PKHD1: variants seen among roughly 807,000 people sequenced by gnomAD.
PKHD1 encodes the protein fibrocystin.
A neutral mutation model predicts 412.0 loss-of-function variants in PKHD1; 291 were observed. That is an observed-to-expected ratio of 0.71 (90% CI 0.64 to 0.78). The LOEUF is 0.78. Among genes scored for constraint, PKHD1 ranks in the 30% least tolerant of loss-of-function variants. The pLI is 0.00. For missense variants in PKHD1, 4,825 were observed against 4,950.7 expected, an observed-to-expected ratio of 0.97 and a Z score of 0.76; for synonymous variants, 1,777 against 1,821.5, an observed-to-expected ratio of 0.98 and a Z score of 0.62.
At chr6:51,729,798 G>A (rs184886384) in intron 60 of PKHD1, among the ~76,000 whole-genome samples, 1 of 152,228 alleles carries the variant, frequency 6.6e-6, no homozygotes, top group East Asian at 1.9e-4. Flanking sequence ...CTTAGAAGTG[G>A]TGGAAATCTT....
intron 52 of PKHD1, among the ~76,000 whole-genome samples, chr6:51,806,489 CTGAGT>C (rs1338092456): frequency 1.3e-5 from 2 of 152,132 alleles, no homozygotes; most frequent in Non-Finnish European, 2.9e-5. Context: ...AGGATTCTCT[CTGAGT>C]TATTTTAGTT....
chr6:51,705,646 T>A (rs1175836336), intron 60 of PKHD1, among the ~76,000 whole-genome samples: 1 of 152,098 alleles, frequency 6.6e-6, no homozygotes, highest in Non-Finnish European at 1.5e-5. Context: ...CCCATTTCCA[T>A]CTAAAAGTCC....
intron 59 of PKHD1, among the ~76,000 whole-genome samples, chr6:51,744,888 G>A (rs1282799396): frequency 1.3e-5 from 2 of 151,890 alleles, no homozygotes; most frequent in Non-Finnish European, 2.9e-5. Context: ...CAGTATTTTA[G>A]AATTATTATA....
chr6:51,826,367 A>G (rs1470218047), intron 52 of PKHD1, among the ~76,000 whole-genome samples: 1 of 152,190 alleles, frequency 6.6e-6, no homozygotes, highest in Non-Finnish European at 1.5e-5. Context: ...AGTGAATTCT[A>G]CCACACACAT....
rs748577508 is a variant in PKHD1 at position 52,056,800 on chromosome 6, GAA to G, written c.1603-14_1603-13del. 3.5e-4 allele frequency: 558 copies of G among 1,605,996 alleles called. No individual in the cohort carries two copies. Among genetic ancestry groups the G allele is most frequent in the Non-Finnish European group, 4.6e-4 (536 of 1,172,716 alleles). On this transcript the variant is annotated splice_polypyrimidine_tract_variant and intron_variant, in intron 17 of 66. Transcript: ENST00000371117. ...ATGGTTGTTTGAATCTATTACAAAG[GAA>G]AAAAATGCCAGGAATTTATATCATG...
At chr6:51,730,627 A>AAATACATAAAGAAAAATACATAAAG (rs1458125563) in intron 60 of PKHD1, among the ~76,000 whole-genome samples, 2 of 152,238 alleles carry the variant, frequency 1.3e-5, no homozygotes, top group African/African-American at 4.8e-5. Flanking sequence ...ACATCTCATG[A>AAATACATAAAGAAAAATACATAAAG]AAATGTAAAT....
intron 63 of PKHD1, among the ~76,000 whole-genome samples, chr6:51,642,796 T>C (rs567664178): frequency 6.6e-6 from 1 of 152,212 alleles, no homozygotes; most frequent in Admixed American, 6.5e-5. Flanking sequence ...GACAAGATCG[T>C]GCCACTGCAT....
At chr6:51,968,678 C>T (rs1793209362) in intron 35 of PKHD1, among the ~76,000 whole-genome samples, 1 of 152,126 alleles carries the variant, frequency 6.6e-6, no homozygotes, top group Non-Finnish European at 1.5e-5. Context: ...AAGCTAAAGC[C>T]CACTTAGCCT....
rs976228766 is a variant in PKHD1, at chr6:52,062,527, T to G, written c.1110A>C (p.Gln370His). 6.2e-7 allele frequency: 1 copy of G among 1,613,962 alleles called. No homozygotes were observed. The highest frequency in any genetic ancestry group is 1.3e-5 in the African/African-American group (1 of 74,932). The change falls in exon 14 of 67, where the codon CAA (glutamine) becomes CAC (histidine). Residue 370 changes from glutamine (Q) to histidine (H), a missense_variant. By Grantham distance (24) the Gln-to-His change is conservative. Coordinates refer to ENST00000371117, the MANE Select transcript of PKHD1 (RefSeq NM_138694.4). The stretch of plus-strand genomic sequence containing the variant: ...CTTTTCCTACAACATACCTGAAAGG[T>G]TGTCCTTCCTGTGACCAAAACCCAA... ...SPFGFWSQEG[Q>H]PFRARLSGFF...
chr6:51,830,135 T>C (rs916624542), intron 52 of PKHD1, among the ~76,000 whole-genome samples: 2 of 152,176 alleles, frequency 1.3e-5, no homozygotes, highest in Non-Finnish European at 2.9e-5. Context: ...ACTATTATCT[T>C]AAGAGGTTCA....
rs370312392 is a variant in PKHD1 at position 51,775,805 on chromosome 6, T to C, written c.8554+3A>G. 424 of 1,317,864 alleles carry C rather than the reference T, an allele frequency of 3.2e-4. No individual in the cohort carries two copies. The highest frequency in any genetic ancestry group is 4.1e-4 in the Non-Finnish European group (378 of 912,148). 81.6% of individuals were successfully genotyped at this position (1,317,864 alleles called of 1,614,324 possible). A position where few individuals can be genotyped will look rare whatever the true frequency, so the allele number is the denominator to read the frequency against. On this transcript the variant is annotated splice_donor_region_variant and intron_variant, in intron 54 of 66. Transcript: ENST00000371117. The stretch of plus-strand genomic sequence containing the variant: ...TTTAATAAAAACTATATTATACTCT[T>C]ACCAATTGTTCCTGGGTCAATATGA...
At chr6:52,035,774 A>G (rs1803851770) in intron 27 of PKHD1, 53 bp from the exon 28 acceptor site, 1 of 1,542,504 alleles carries the variant, frequency 6.5e-7, no homozygotes, top group Admixed American at 1.7e-5. Flanking sequence ...CAGGCAGACA[A>G]AAATTAATTA....
rs1266889 is a variant in PKHD1 at position 51,934,368 on chromosome 6, T to C, written c.5909-46A>G. On this transcript the variant is annotated intron_variant, in intron 36 of 66. Coordinates refer to ENST00000371117, the MANE Select transcript of PKHD1 (RefSeq NM_138694.4). ...TGTCAGTCCCTGGGAGGATAAGGCT[T>C]ACCGTTTTGTCAGTTTCAATGCCTG... 0.67 allele frequency: 820,111 copies of C among 1,216,254 alleles called. 281,706 individuals are homozygous for C. The highest frequency in any genetic ancestry group is 0.93 in the East Asian group (40,081 of 43,010). The allele number at this position is 1,216,254 out of a possible 1,614,324, so 75.3% of individuals were successfully genotyped here. A position where few individuals can be genotyped will look rare whatever the true frequency, so the allele number is the denominator to read the frequency against.
intron 64 of PKHD1, among the ~76,000 whole-genome samples, chr6:51,637,773 G>A (rs1251658388): frequency 2.6e-5 from 4 of 151,870 alleles, no homozygotes; most frequent in African/African-American, 4.8e-5. Context: ...GCTTGGTGGC[G>A]CATGCCTGTA....
chr6:51,721,492 C>T (rs886599919), intron 60 of PKHD1: 1 of 914,442 alleles, frequency 1.1e-6, no homozygotes, highest in East Asian at 1.2e-4. Flanking sequence ...TCACCTATCA[C>T]TTTATTCCAG....
chr6:51,829,591 G>C (rs1290953470), intron 52 of PKHD1, among the ~76,000 whole-genome samples: 2 of 152,084 alleles, frequency 1.3e-5, no homozygotes, highest in African/African-American at 4.8e-5. Context: ...CCATCAAAGA[G>C]AGGTGGTTTA....
intron 35 of PKHD1, among the ~76,000 whole-genome samples, chr6:51,996,008 ATT>A (rs546863128): frequency 4.2e-5 from 6 of 143,410 alleles, no homozygotes; most frequent in Admixed American, 7.0e-5. Flanking sequence ...AAGAACGGCA[ATT>A]TTTTTTTTTT....
At chr6:51,671,242 C>T (rs992507243) in intron 60 of PKHD1, among the ~76,000 whole-genome samples, 37 of 152,056 alleles carry the variant, frequency 2.4e-4, no homozygotes, top group African/African-American at 8.4e-4. Flanking sequence ...AGGCTTTGCT[C>T]GTTTCTTTTT....
rs1028866854 is a variant in PKHD1 at position 52,050,260 on chromosome 6, C to G, written c.2176G>C (p.Gly726Arg). The G allele has an allele frequency of 1.9e-6, 3 of 1,614,004 alleles. No homozygotes were observed. The African/African-American group carries it at 4.0e-5, about 22-fold the overall frequency. Residue 726 changes from glycine (G) to arginine (R), a missense_variant, in exon 22 of 67, where the codon GGC becomes CGC. Coordinates refer to ENST00000371117, the MANE Select transcript of PKHD1 (RefSeq NM_138694.4). ...QADSGTARPGGNLVESVSVVG... is the reference protein window; with the variant it reads ...QADSGTARPGRNLVESVSVVG... ...ACAGAGACTGATTCCACCAGATTGC[C>G]CCCTGGGCGAGCCGTTCCAGAATCA...
Sources: allele counts gnomAD v4.1 joint callset (sites outside exome capture counted in the v4.1 genomes callset), GRCh38; gene constraint gnomAD v4.1.1; transcripts MANE v1.5; gene names NCBI Gene and HGNC (gene_info 2026-07-23, HGNC 2026-07-21).